The following CAMK1D variants were observed in gnomAD, a reference collection of about 807,000 sequenced individuals.
The protein encoded by CAMK1D is calcium/calmodulin-dependent protein kinase type 1D.
CAMK1D carries 9 observed loss-of-function variants against 47.7 expected under a neutral mutation model. The ratio of observed to expected loss-of-function variants is 0.19; its 90% CI spans 0.11 to 0.33. The LOEUF (loss-of-function observed/expected upper bound fraction) is 0.33. Among genes scored for constraint, CAMK1D ranks in the 10% least tolerant of loss-of-function variants. CAMK1D has a pLI of 1.00. For missense variants in CAMK1D, 291 were observed against 488.7 expected (o/e 0.60, Z 3.81); for synonymous variants, 184 against 184.9 (o/e 0.99, Z 0.04).
chr10:12,480,030 A>G (rs1174304905), intron 1 of CAMK1D, among the ~76,000 whole-genome samples: 3 of 152,186 alleles, frequency 2.0e-5, no homozygotes, highest in Non-Finnish European at 4.4e-5. Flanking sequence ...CTCCAAATTC[A>G]GTGACCTTGT....
intron 3 of CAMK1D, among the ~76,000 whole-genome samples, chr10:12,692,911 A>G (rs1832985818): frequency 6.6e-6 from 1 of 152,240 alleles, no homozygotes; most frequent in Admixed American, 6.5e-5. Flanking sequence ...CTGTGATGGC[A>G]AATTTTATGT....
rs562324322 is a variant in CAMK1D, at chr10:12,747,757, C to G, written c.300-13191C>G. Among the ~76,000 whole-genome samples, 242 of 152,258 alleles carry G rather than the reference C, an allele frequency of 1.6e-3. 2 individuals carry two copies. The highest frequency in any genetic ancestry group is 6.8e-3 in the Middle Eastern group (2 of 294). On this transcript the variant is annotated intron_variant, in intron 3 of 10. Transcript: ENST00000619168. ...GAGTTTCAGTCTGAAAGCCAGCAGG[C>G]TCGAGTCCTGGGAAGAGCATTTATA... is the stretch of plus-strand genomic sequence containing the variant.
At chr10:12,472,141 C>T (rs1229742380) in intron 1 of CAMK1D, among the ~76,000 whole-genome samples, 2 of 152,132 alleles carry the variant, frequency 1.3e-5, no homozygotes, top group African/African-American at 4.8e-5. Context: ...TAACCTTCTC[C>T]TTTGTCGAGT....
At chr10:12,452,948 C>G (rs2132036336) in intron 1 of CAMK1D, among the ~76,000 whole-genome samples, 1 of 152,176 alleles carries the variant, frequency 6.6e-6, no homozygotes, top group East Asian at 1.9e-4. Context: ...CCATCCATCT[C>G]CAGAACTTTT....
At chr10:12,494,110 A>G (rs2132125920) in intron 1 of CAMK1D, among the ~76,000 whole-genome samples, 1 of 152,274 alleles carries the variant, frequency 6.6e-6, no homozygotes, top group South Asian at 2.1e-4. Flanking sequence ...CGTGGTTCCC[A>G]AAGGAGTCAT....
At chr10:12,567,848 C>T (rs1837172131) in intron 2 of CAMK1D, among the ~76,000 whole-genome samples, 1 of 152,024 alleles carries the variant, frequency 6.6e-6, no homozygotes, top group Admixed American at 6.6e-5. Flanking sequence ...CAGAGAGTGC[C>T]TCGAATTTCG....
chr10:12,736,864 C>G (rs751675702), intron 3 of CAMK1D, among the ~76,000 whole-genome samples: 1 of 152,218 alleles, frequency 6.6e-6, no homozygotes, highest in African/African-American at 2.4e-5. Context: ...ATAGCCCCTG[C>G]GTTTCTCTCT....
chr10:12,820,186 T>C (rs3824647), intron 8 of CAMK1D, among the ~76,000 whole-genome samples: 58,359 of 151,732 alleles, frequency 0.38, 12,111 homozygotes, highest in Non-Finnish European at 0.47. Context: ...ATTGCAGGTG[T>C]CCACCACCAC....
At chr10:12,751,611 T>A (rs1024965032) in intron 3 of CAMK1D, among the ~76,000 whole-genome samples, 1 of 152,184 alleles carries the variant, frequency 6.6e-6, no homozygotes, top group Non-Finnish European at 1.5e-5. Context: ...AACTGGTGTG[T>A]GCTGTGCAGA....
At chr10:12,693,404 A>G (rs1251476780) in intron 3 of CAMK1D, among the ~76,000 whole-genome samples, 1 of 152,034 alleles carries the variant, frequency 6.6e-6, no homozygotes, top group East Asian at 1.9e-4. Flanking sequence ...CAAAGAAGAC[A>G]GAATTTGGCC....
intron 1 of CAMK1D, among the ~76,000 whole-genome samples, chr10:12,545,674 C>T (rs532416428): frequency 1.4e-3 from 215 of 151,100 alleles, no homozygotes; most frequent in Non-Finnish European, 2.2e-3. Context: ...GTGGCGGGCA[C>T]CTGTAATCCC....
Position 12,829,211 on chromosome 10 carries a change from C to A in CAMK1D, c.*324C>A. On this transcript the variant is annotated 3_prime_UTR_variant, in exon 11 of 11. Transcript: ENST00000619168. ...CACTCTTCTCAGTGTAGGTAACCGT[C>A]TATGGTGTGTTTTTTCATTAATGAC... 1 of 209,386 alleles carries A rather than the reference C, an allele frequency of 4.8e-6. No homozygotes were observed. Among genetic ancestry groups the A allele is most frequent in the Non-Finnish European group, 9.4e-6 (1 of 106,166 alleles). The allele number at this position is 209,386 out of a possible 1,614,324, so 13.0% of individuals were successfully genotyped here. A position where few individuals can be genotyped will look rare whatever the true frequency, so the allele number is the denominator to read the frequency against.
chr10:12,649,780 A>G (rs1233123789), intron 2 of CAMK1D, among the ~76,000 whole-genome samples: 1 of 152,230 alleles, frequency 6.6e-6, no homozygotes, highest in East Asian at 1.9e-4. Flanking sequence ...CTCCAAGGAA[A>G]TCTCGACATT....
chr10:12,792,964 A>G lies in CAMK1D; in HGVS notation c.641+1731A>G, dbSNP rs879709181. Among the ~76,000 whole-genome samples the G allele has an allele frequency of 2.6e-4, 9 of 35,250 alleles. No individual in the cohort carries two copies. The East Asian group carries it at 3.8e-3, about 15-fold the overall frequency. The allele number at this position is 35,250 out of a possible 152,430, so 23.1% of individuals were successfully genotyped here. A position where few individuals can be genotyped will look rare whatever the true frequency, so the allele number is the denominator to read the frequency against. ...AATAAAATCACATGTGTGCGCGCAC[A>G]CACACACACACACACACACGCACGC... On this transcript the variant is annotated intron_variant, in intron 6 of 10. Transcript: ENST00000619168.
At chr10:12,828,577 G>A (rs1272455225) in intron 10 of CAMK1D, among the ~76,000 whole-genome samples, 192 bp from the exon 11 acceptor site, 1 of 151,772 alleles carries the variant, frequency 6.6e-6, no homozygotes. Context: ...GCAGGCAGAG[G>A]TTGCAGTGAC....
At chr10:12,809,050 G>C (rs1374297181) in intron 6 of CAMK1D, among the ~76,000 whole-genome samples, 1 of 151,802 alleles carries the variant, frequency 6.6e-6, no homozygotes, top group African/African-American at 2.4e-5. Context: ...CCAGCAGGCA[G>C]AGGTTGCAGT....
At chr10:12,568,142 CT>C in intron 2 of CAMK1D, among the ~76,000 whole-genome samples, 1 of 128,202 alleles carries the variant, frequency 7.8e-6, no homozygotes, top group Non-Finnish European at 1.6e-5. Context: ...CCCTCCCTCC[CT>C]CTCTCCCTGT....
chr10:12,456,936 A>G lies in CAMK1D; in HGVS notation c.93-96289A>G, dbSNP rs564235078. The stretch of plus-strand genomic sequence containing the variant: ...ATCTTTACTGCAGATACACCCCCAC[A>G]TGTGATGAAATGACATTTGCTCACA... On this transcript the variant is annotated intron_variant, in intron 1 of 10. Transcript: ENST00000619168. Among the ~76,000 whole-genome samples the G allele has an allele frequency of 5.9e-5, 9 of 152,254 alleles. No homozygotes were observed. The South Asian group carries it at 1.9e-3, about 32-fold the overall frequency.
chr10:12,530,047 T>C (rs2815643), intron 1 of CAMK1D, among the ~76,000 whole-genome samples: 95,394 of 152,076 alleles, frequency 0.63, 29,985 homozygotes, highest in South Asian at 0.74. Context: ...GATGATGTGC[T>C]TGTGATATAC....
Sources: allele counts gnomAD v4.1 joint callset (sites outside exome capture counted in the v4.1 genomes callset), GRCh38; gene constraint gnomAD v4.1.1; transcripts MANE v1.5; gene names NCBI Gene and HGNC (gene_info 2026-07-23, HGNC 2026-07-21).